Variants in NYAP1 observed in about 807,000 individuals in gnomAD.
NYAP1 encodes the protein neuronal tyrosine phosphorylated phosphoinositide-3-kinase adaptor 1.
NYAP1 carries 20 observed loss-of-function variants against 58.6 expected under a neutral mutation model. The observed-to-expected ratio is 0.34, with a 90% CI of 0.24 to 0.50. The LOEUF (loss-of-function observed/expected upper bound fraction) is 0.50. Among genes scored for constraint, NYAP1 ranks in the 20% least tolerant of loss-of-function variants. NYAP1 has a pLI of 0.98. For missense variants in NYAP1, 1,150 were observed against 1,194.5 expected, an observed-to-expected ratio of 0.96 and a Z score of 0.55; for synonymous variants, 572 against 523.1, an observed-to-expected ratio of 1.09 and a Z score of -1.27.
chr7:100,489,753 G>C, intron 4 of NYAP1, 87 bp downstream of exon 4: 1 of 1,113,012 alleles, frequency 9.0e-7, no homozygotes, highest in Non-Finnish European at 1.2e-6. Flanking sequence ...GGTGTTGGAG[G>C]GGTTATTTGG....
In NYAP1 at chr7:100,489,285, G is replaced by A. The variant is rs1416922719; in HGVS notation, c.1564G>A (p.Ala522Thr). The stretch of plus-strand genomic sequence containing the variant: ...CCACGGTGGGGCCATGGGCGCAGCA[G>A]CTGGGGTCCTCCACCACCGCGGCTG... ...SPHGGAMGAA[A>T]GVLHHRGCLA... Residue 522 changes from alanine to threonine, a missense_variant, in exon 4 of 7, where the codon GCT (alanine) becomes ACT (threonine). Transcript: ENST00000300179. The A allele has an allele frequency of 6.3e-7, 1 of 1,599,924 alleles. No homozygotes were observed. The highest frequency in any genetic ancestry group is 1.7e-5 in the Admixed American group (1 of 57,942).
In NYAP1 at chr7:100,488,645, G is replaced by T; in HGVS notation, c.924G>T (p.Pro308=). 6.2e-7 allele frequency: 1 copy of T among 1,609,360 alleles called. No homozygotes were observed. Among genetic ancestry groups the T allele is most frequent in the Non-Finnish European group, 8.5e-7 (1 of 1,178,668 alleles). ...HAHRRPASAL[P]SRRDGTPTKT... The stretch of plus-strand genomic sequence containing the variant: ...ACCGCCGCCCAGCTTCAGCCCTCCC[G>T]AGCCGGAGGGACGGGACGCCCACCA... Residue 308 remains proline, a synonymous_variant, in exon 4 of 7, where the codon CCG becomes CCT. Transcript: ENST00000300179. The surrounding 1 kb of genome is among the most constrained non-coding windows in gnomAD (Gnocchi z 5.9).
At position 100,488,079 on chromosome 7, in the gene NYAP1, T is replaced by A. The variant is rs1386053097; in HGVS notation, c.431-73T>A. On this transcript the variant is annotated intron_variant, in intron 3 of 6. Coordinates refer to ENST00000300179, the MANE Select transcript of NYAP1 (RefSeq NM_173564.4). This position sits in a 1 kb window ranked among gnomAD's most constrained non-coding sequence, Gnocchi z 5.9. ...ATGTCCTTGCAGAAGGGTCAAGGGA[T>A]CAGAATGGGCTCCTCCCACTTGCTC... The A allele has an allele frequency of 8.7e-6, 10 of 1,144,230 alleles. No individual in the cohort carries two copies. The highest frequency in any genetic ancestry group is 1.2e-6 in the Non-Finnish European group (1 of 800,456). The allele number at this position is 1,144,230 out of a possible 1,614,324, so 70.9% of individuals were successfully genotyped here. A position where few individuals can be genotyped will look rare whatever the true frequency, so the allele number is the denominator to read the frequency against.
rs1196490637 is a variant in NYAP1, at chr7:100,486,364, G to A, written c.69-457G>A. ...TCCTGGAGGGGCACATCCTGCATCT[G>A]GGAGAGGAGGTGTGCCGTGGGGGCA... On this transcript the variant is annotated intron_variant, in intron 2 of 6. Transcript: ENST00000300179. The surrounding 1 kb of genome is among the most constrained non-coding windows in gnomAD (Gnocchi z 6.2). 6.6e-6 allele frequency among the ~76,000 whole-genome samples: 1 copy of A among 152,130 alleles called. No individual in the cohort carries two copies. Among genetic ancestry groups the A allele is most frequent in the Non-Finnish European group, 1.5e-5 (1 of 68,010 alleles).
In NYAP1 at chr7:100,486,909, C is replaced by T. The variant is rs750709075; in HGVS notation, c.157C>T (p.Arg53Trp). The change falls in exon 3 of 7, where the codon CGG (arginine) becomes TGG (tryptophan). Residue 53 changes from arginine to tryptophan, a missense_variant. Arg to Trp is a moderately radical substitution (Grantham distance 101). Transcript: ENST00000300179. This position sits in a 1 kb window ranked among gnomAD's most constrained non-coding sequence, Gnocchi z 6.2. Reference protein sequence around the residue: ...GVRVRDIASLRRSLRMGFMTM... With the variant: ...GVRVRDIASLWRSLRMGFMTM... ...CCGCGTGCGGGACATCGCCTCGCTG[C>T]GGCGCTCCCTCAGGATGGGTTTCAT... The T allele has an allele frequency of 1.9e-6, 3 of 1,589,036 alleles. No homozygotes were observed. Among genetic ancestry groups the T allele is most frequent in the Admixed American group, 1.8e-5 (1 of 56,466 alleles).
In NYAP1 at chr7:100,487,257, C is replaced by T; in HGVS notation, c.430+75C>T. ...TCTATTCCACGCCCGGGGAGGCTTGCCGGGAGGGTTCATTCAGGGAAGAAC... is the reference window on the plus strand; with the variant it reads ...TCTATTCCACGCCCGGGGAGGCTTGTCGGGAGGGTTCATTCAGGGAAGAAC... On this transcript the variant is annotated intron_variant, in intron 3 of 6. Coordinates refer to ENST00000300179, the MANE Select transcript of NYAP1 (RefSeq NM_173564.4). The surrounding 1 kb of genome is among the most constrained non-coding windows in gnomAD (Gnocchi z 4.1). 1 of 1,402,536 alleles carries T rather than the reference C, an allele frequency of 7.1e-7. No individual in the cohort carries two copies. The highest frequency in any genetic ancestry group is 9.4e-7 in the Non-Finnish European group (1 of 1,065,852). The allele number at this position is 1,402,536 out of a possible 1,614,324, so 86.9% of individuals were successfully genotyped here.
In NYAP1 at chr7:100,494,197, G is replaced by A; in HGVS notation, c.*294G>A. 1 of 359,836 alleles carries A rather than the reference G, an allele frequency of 2.8e-6. No homozygotes were observed. The highest frequency in any genetic ancestry group is 5.0e-6 in the Non-Finnish European group (1 of 200,608). 22.3% of individuals were successfully genotyped at this position (359,836 alleles called of 1,614,324 possible). A position where few individuals can be genotyped will look rare whatever the true frequency, so the allele number is the denominator to read the frequency against. On this transcript the variant is annotated 3_prime_UTR_variant, in exon 7 of 7. Transcript: ENST00000300179. ...TTGTACACCCCTCCTCCTGAACCAA[G>A]CCAGAGGTCAGCATGGGGAAGGGAG...
Position 100,485,390 on chromosome 7 carries a change from AC to A in NYAP1, c.68+15del. 1 of 1,588,274 alleles carries A rather than the reference AC, an allele frequency of 6.3e-7. No individual in the cohort carries two copies. Among genetic ancestry groups the A allele is most frequent in the Non-Finnish European group, 8.6e-7 (1 of 1,165,612 alleles). ...GGAGGCCAAGAGGAGGTAAGGCTGC[AC>A]CCCAGACTGCTCCCTTCCCTTCCGC... On this transcript the variant is annotated intron_variant, in intron 2 of 6. Transcript: ENST00000300179. The surrounding 1 kb of genome is among the most constrained non-coding windows in gnomAD (Gnocchi z 5.7).
Position 100,490,497 on chromosome 7 carries a change from T to A in NYAP1, c.1946-20T>A, listed in dbSNP as rs762851897. ...CGCCTCCAACATGCAGGCACACAGC[T>A]CTCCTTGTCATCCCAGCAGAGGTCG... On this transcript the variant is annotated intron_variant, in intron 4 of 6. Coordinates refer to ENST00000300179, the MANE Select transcript of NYAP1 (RefSeq NM_173564.4). The surrounding 1 kb of genome is among the most constrained non-coding windows in gnomAD (Gnocchi z 4.6). 1.3e-6 allele frequency: 2 copies of A among 1,565,424 alleles called. No homozygotes were observed. Among genetic ancestry groups the A allele is most frequent in the Non-Finnish European group, 1.7e-6 (2 of 1,154,500 alleles).
intron 1 of NYAP1, among the ~76,000 whole-genome samples, chr7:100,484,999 G>A (rs1799685335): frequency 6.6e-6 from 1 of 152,084 alleles, no homozygotes; most frequent in Non-Finnish European, 1.5e-5. Context: ...AAGGGAATCT[G>A]TGTTGACCTG....
Position 100,486,827 on chromosome 7 carries a change from T to G in NYAP1, c.75T>G (p.Ser25Arg), listed in dbSNP as rs1351602912. 6.7e-7 allele frequency: 1 copy of G among 1,501,926 alleles called. No homozygotes were observed. The highest frequency in any genetic ancestry group is 1.4e-5 in the African/African-American group (1 of 71,426). The allele number at this position is 1,501,926 out of a possible 1,614,324, so 93.0% of individuals were successfully genotyped here. A position where few individuals can be genotyped will look rare whatever the true frequency, so the allele number is the denominator to read the frequency against. The change falls in exon 3 of 7, where the codon AGT becomes AGG. Residue 25 changes from serine to arginine, a missense_variant. Coordinates refer to ENST00000300179, the MANE Select transcript of NYAP1 (RefSeq NM_173564.4). This position sits in a 1 kb window ranked among gnomAD's most constrained non-coding sequence, Gnocchi z 6.2. ...HKEEEAKRSS[S>R]KEVAPAGSAG... ...CGTGGCCTTCTCTCCCCAGCTCCAG[T>G]AAGGAGGTGGCCCCCGCTGGCTCGG...
rs551249773 is a variant in NYAP1 at position 100,487,321 on chromosome 7, G to A, written c.430+139G>A. The A allele has an allele frequency of 1.1e-5, 11 of 977,900 alleles. No homozygotes were observed. The highest frequency in any genetic ancestry group is 1.6e-5 in the Non-Finnish European group (11 of 708,420). The allele number at this position is 977,900 out of a possible 1,614,324, so 60.6% of individuals were successfully genotyped here. A position where few individuals can be genotyped will look rare whatever the true frequency, so the allele number is the denominator to read the frequency against. On this transcript the variant is annotated intron_variant, in intron 3 of 6. Transcript: ENST00000300179. The surrounding 1 kb of genome is among the most constrained non-coding windows in gnomAD (Gnocchi z 4.1). ...GATTCCATTCTCAAAAGGAATTGGG[G>A]GGGTCCTTTTGGATGGGCCTGAGAT... is the stretch of plus-strand genomic sequence containing the variant.
rs201579581 is a variant in NYAP1, at chr7:100,490,591, C to T, written c.2020C>T (p.Pro674Ser). 2 of 1,580,570 alleles carry T rather than the reference C, an allele frequency of 1.3e-6. No homozygotes were observed. The highest frequency in any genetic ancestry group is 1.7e-6 in the Non-Finnish European group (2 of 1,163,578). ...PGKVEREDRG[P>S]GTSGIPVRSQ... ...CAAGGTGGAGCGTGAGGACAGGGGC[C>T]CTGGGACATCGGGGATCCCAGTGAG... Residue 674 changes from proline to serine, a missense_variant, in exon 5 of 7, where the codon CCT becomes TCT. Transcript: ENST00000300179. This position sits in a 1 kb window ranked among gnomAD's most constrained non-coding sequence, Gnocchi z 4.6.
chr7:100,488,956 C>G lies in NYAP1; in HGVS notation c.1235C>G (p.Pro412Arg). The G allele has an allele frequency of 6.4e-7, 1 of 1,573,778 alleles. No individual in the cohort carries two copies. Among genetic ancestry groups the G allele is most frequent in the East Asian group, 2.2e-5 (1 of 44,728 alleles). The change falls in exon 4 of 7, where the codon CCC becomes CGC. Residue 412 changes from proline to arginine, a missense_variant. Transcript: ENST00000300179. This position sits in a 1 kb window ranked among gnomAD's most constrained non-coding sequence, Gnocchi z 5.9. ...RARSHSTPLP[P>R]QGSGQPRGER... is the part of the protein sequence containing the mutation. ...CGGAGCCACTCGACACCGTTGCCAC[C>G]CCAGGGCTCTGGCCAGCCCCGGGGG...
At position 100,486,071 on chromosome 7, in the gene NYAP1, T is replaced by C. The variant is rs1235157219; in HGVS notation, c.68+692T>C. ...CCTCGCAACTGTGGAGTTTAATTCT[T>C]GTTGTTAATTAGATTAATCAGAGTG... On this transcript the variant is annotated intron_variant, in intron 2 of 6. Transcript: ENST00000300179. The surrounding 1 kb of genome is among the most constrained non-coding windows in gnomAD (Gnocchi z 6.2). Among the ~76,000 whole-genome samples the C allele has an allele frequency of 6.6e-6, 1 of 152,136 alleles. No homozygotes were observed. The highest frequency in any genetic ancestry group is 1.9e-4 in the East Asian group (1 of 5,184).
rs200558357 is a variant in NYAP1, at chr7:100,488,040, A to C, written c.431-112A>C. On this transcript the variant is annotated intron_variant, in intron 3 of 6. Coordinates refer to ENST00000300179, the MANE Select transcript of NYAP1 (RefSeq NM_173564.4). This position sits in a 1 kb window ranked among gnomAD's most constrained non-coding sequence, Gnocchi z 5.9. ...CTGTAAGTTGAGGAATGTGGGGAAAAGGAAGAGGCAGATATGTCCTTGCAG... is the reference window on the plus strand; with the variant it reads ...CTGTAAGTTGAGGAATGTGGGGAAACGGAAGAGGCAGATATGTCCTTGCAG... 2.8e-6 allele frequency: 2 copies of C among 711,026 alleles called. No individual in the cohort carries two copies. The highest frequency in any genetic ancestry group is 5.5e-5 in the East Asian group (2 of 36,296). The allele number at this position is 711,026 out of a possible 1,614,324, so 44.0% of individuals were successfully genotyped here.
Position 100,490,870 on chromosome 7 carries a change from T to A in NYAP1, c.2159-116T>A. On this transcript the variant is annotated intron_variant, in intron 5 of 6. Transcript: ENST00000300179. This position sits in a 1 kb window ranked among gnomAD's most constrained non-coding sequence, Gnocchi z 4.6. ...AATCCTCATACCACATCTCCACCCCTTTTTCCCTTCTGATGAGGCAGGGGC... is the reference window on the plus strand; with the variant it reads ...AATCCTCATACCACATCTCCACCCCATTTTCCCTTCTGATGAGGCAGGGGC... 9.5e-7 allele frequency: 1 copy of A among 1,052,328 alleles called. No homozygotes were observed. Among genetic ancestry groups the A allele is most frequent in the Non-Finnish European group, 1.4e-6 (1 of 732,316 alleles). 65.2% of individuals were successfully genotyped at this position (1,052,328 alleles called of 1,614,324 possible). A position where few individuals can be genotyped will look rare whatever the true frequency, so the allele number is the denominator to read the frequency against.
rs1462250578 is a variant in NYAP1 at position 100,493,841 on chromosome 7, C to T, written c.2464C>T (p.Arg822Cys). ...CAGCTGGCGGCGGGGACCCGAGCCC[C>T]GCAAGTCCGGCACCCCGCCCTGCCG... ...LPSWRRGPEP[R>C]KSGTPPCRRQ... is the part of the protein sequence containing the mutation. Residue 822 changes from arginine (R) to cysteine (C), a missense_variant, in exon 7 of 7, where the codon CGC (arginine) becomes TGC (cysteine). By Grantham distance (180) the Arg-to-Cys change is radical. Coordinates refer to ENST00000300179, the MANE Select transcript of NYAP1 (RefSeq NM_173564.4). 6.4e-7 allele frequency: 1 copy of T among 1,564,548 alleles called. No individual in the cohort carries two copies.
At chr7:100,492,275 A>AGCC (rs1213802247) in intron 6 of NYAP1, among the ~76,000 whole-genome samples, 1 of 150,082 alleles carries the variant, frequency 6.7e-6, no homozygotes, top group Non-Finnish European at 1.5e-5. Context: ...CTGGGGCCTG[A>AGCC]GCCAGCGCAG....
Sources: gnomAD v4.1 joint callset for allele counts (sites outside exome capture counted in the v4.1 genomes callset) on GRCh38, gnomAD v4.1.1 for gene constraint, Gnocchi (gnomAD v3.1) non-coding constraint, MANE v1.5 for transcripts, NCBI Gene and HGNC (gene_info 2026-07-23, HGNC 2026-07-21) for gene names.